The following SMIM13 variants were observed in gnomAD, a reference collection of about 807,000 sequenced individuals.
SMIM13 encodes small integral membrane protein 13.
SMIM13 carries 3 observed loss-of-function variants against 5.9 expected under a neutral mutation model. The ratio of observed to expected loss-of-function variants is 0.51; its 90% CI spans 0.23 to 1.31. SMIM13 has a LOEUF of 1.31. SMIM13 is among the 40% of genes most tolerant of loss of function. SMIM13 has a pLI of 0.18. For synonymous variants in SMIM13, 55 were observed against 46.0 expected (o/e 1.19, Z -0.79); for missense variants, 85 against 109.9 (o/e 0.77, Z 1.01).
At chr6:11,131,600 A>G (rs972380248) in intron 1 of SMIM13, among the ~76,000 whole-genome samples, 5 of 152,204 alleles carry the variant, frequency 3.3e-5, no homozygotes, top group Admixed American at 3.3e-4. Flanking sequence ...ATGGGATGGA[A>G]TTGAGAGTCC....
intron 1 of SMIM13, chr6:11,104,055 C>A: frequency 1.3e-6 from 2 of 1,551,728 alleles, no homozygotes; most frequent in Non-Finnish European, 1.7e-6. Context: ...CATGTCTAGT[C>A]CTCGACGATT....
In SMIM13 at chr6:11,137,899, C is replaced by T. The variant is rs1758535913; in HGVS notation, c.*3297C>T. The T allele has an allele frequency of 6.6e-6, 1 of 151,962 alleles. No individual in the cohort carries two copies. The highest frequency in any genetic ancestry group is 1.5e-5 in the Non-Finnish European group (1 of 67,988). 9.4% of individuals were successfully genotyped at this position (151,962 alleles called of 1,614,324 possible). A position where few individuals can be genotyped will look rare whatever the true frequency, so the allele number is the denominator to read the frequency against. On this transcript the variant is annotated 3_prime_UTR_variant, in exon 2 of 2. Transcript: ENST00000416247. ...ACAGCCACTTCACAGACATGCAGAC[C>T]CATTTCTTTAGAGATATTAGGTTTA...
In SMIM13 at chr6:11,134,522, A is replaced by G; in HGVS notation, c.196A>G (p.Thr66Ala). The change falls in exon 2 of 2, where the codon ACT (threonine) becomes GCT (alanine). Residue 66 changes from threonine to alanine, a missense_variant. Physicochemically the swap from Thr to Ala is moderately conservative, Grantham distance 58. Transcript: ENST00000416247. Reference protein sequence around the residue: ...EPSGSETEEDTSSSPHRIRSA... With the variant: ...EPSGSETEEDASSSPHRIRSA... The stretch of plus-strand genomic sequence containing the variant: ...TTCAGGGTCTGAAACTGAAGAAGAC[A>G]CTTCCTCCTCTCCACACAGAATCAG... 1 of 1,551,148 alleles carries G rather than the reference A, an allele frequency of 6.4e-7. No homozygotes were observed. The highest frequency in any genetic ancestry group is 8.7e-7 in the Non-Finnish European group (1 of 1,146,618).
intron 1 of SMIM13, among the ~76,000 whole-genome samples, chr6:11,096,883 G>T (rs749548075): frequency 6.6e-6 from 1 of 152,100 alleles, no homozygotes; most frequent in East Asian, 1.9e-4. Flanking sequence ...TAGAGATGGG[G>T]TTTCTCCATG....
chr6:11,108,421 G>A (rs960152127), intron 1 of SMIM13, among the ~76,000 whole-genome samples: 2 of 152,218 alleles, frequency 1.3e-5, no homozygotes, highest in African/African-American at 4.8e-5. Flanking sequence ...CATCCAGTTG[G>A]GATGTCCTGA....
intron 1 of SMIM13, among the ~76,000 whole-genome samples, chr6:11,122,557 A>G (rs184998890): frequency 6.6e-6 from 1 of 150,714 alleles, no homozygotes; most frequent in African/African-American, 2.5e-5. Context: ...TGGACCAAAG[A>G]TCAGGCCTGT....
intron 1 of SMIM13, among the ~76,000 whole-genome samples, chr6:11,132,710 T>C (rs1758466724): frequency 1.3e-5 from 2 of 152,158 alleles, no homozygotes; most frequent in African/African-American, 2.4e-5. Context: ...AAATGACATG[T>C]TCAGAATAGG....
chr6:11,107,059 A>G (rs932673407), intron 1 of SMIM13, among the ~76,000 whole-genome samples: 2 of 152,180 alleles, frequency 1.3e-5, no homozygotes. Flanking sequence ...TGTTGAAGGG[A>G]CATTGTACCA....
At chr6:11,104,415 T>A in intron 1 of SMIM13, 1 of 1,551,666 alleles carries the variant, frequency 6.4e-7, no homozygotes, top group Non-Finnish European at 8.7e-7. Context: ...GCCACAAATA[T>A]AAAAGGCTCC....
intron 1 of SMIM13, among the ~76,000 whole-genome samples, chr6:11,106,873 G>A (rs546410371): frequency 6.6e-6 from 1 of 152,320 alleles, no homozygotes; most frequent in East Asian, 1.9e-4. Context: ...AGTATCTGGA[G>A]CTGTTAGGTA....
chr6:11,112,311 A>T (rs1758179138), intron 1 of SMIM13, among the ~76,000 whole-genome samples: 1 of 151,000 alleles, frequency 6.6e-6, no homozygotes, highest in Non-Finnish European at 1.5e-5. Flanking sequence ...GAGTGCAGTG[A>T]TGCAATCTTG....
At chr6:11,129,075 G>C (rs1758416380) in intron 1 of SMIM13, among the ~76,000 whole-genome samples, 1 of 124,026 alleles carries the variant, frequency 8.1e-6, no homozygotes, top group Non-Finnish European at 1.7e-5. Flanking sequence ...TTGCTACCGG[G>C]AGCGGGGGGG....
intron 1 of SMIM13, among the ~76,000 whole-genome samples, chr6:11,123,118 G>A (rs1392196389): frequency 6.6e-6 from 1 of 152,072 alleles, no homozygotes; most frequent in Non-Finnish European, 1.5e-5. Context: ...CTGCTCCTGG[G>A]GCTGACACTT....
chr6:11,108,083 C>A (rs1758113307), intron 1 of SMIM13, among the ~76,000 whole-genome samples: 2 of 152,118 alleles, frequency 1.3e-5, no homozygotes, highest in South Asian at 4.1e-4. Context: ...GTTAACTGAG[C>A]CCCTAGTCTG....
rs182205515 is a variant in SMIM13, at chr6:11,138,227, C to A, written c.*3625C>A. On this transcript the variant is annotated 3_prime_UTR_variant, in exon 2 of 2. Coordinates refer to ENST00000416247, the MANE Select transcript of SMIM13 (RefSeq NM_001135575.2). ...GCAGTCCTCAGAGGTTATGGACTCT[C>A]AAGCGACTAATGGAATAGTGTTCTG... 1.3e-5 allele frequency: 2 copies of A among 152,188 alleles called. No homozygotes were observed. 9.4% of individuals were successfully genotyped at this position (152,188 alleles called of 1,614,324 possible).
chr6:11,114,229 C>G (rs1388176612), intron 1 of SMIM13, among the ~76,000 whole-genome samples: 1 of 152,068 alleles, frequency 6.6e-6, no homozygotes, highest in Non-Finnish European at 1.5e-5. Context: ...ATCTACCTGC[C>G]TCGCCCTCCC....
At chr6:11,129,086 G>GA (rs556248568) in intron 1 of SMIM13, among the ~76,000 whole-genome samples, 232 of 151,446 alleles carry the variant, frequency 1.5e-3, no homozygotes, top group African/African-American at 5.2e-3. Flanking sequence ...AGCGGGGGGG[G>GA]GATGATCACT....
intron 1 of SMIM13, among the ~76,000 whole-genome samples, chr6:11,126,770 G>T (rs1439093767): frequency 6.6e-6 from 1 of 152,056 alleles, no homozygotes; most frequent in Non-Finnish European, 1.5e-5. Flanking sequence ...TCCTTCTTGG[G>T]AATGCTTTCC....
intron 1 of SMIM13, among the ~76,000 whole-genome samples, chr6:11,110,652 A>ACAAT (rs1212996377): frequency 6.6e-6 from 1 of 152,228 alleles, no homozygotes; most frequent in Non-Finnish European, 1.5e-5. Context: ...ACGAGGTAGA[A>ACAAT]CAATCCCTCT....
Sources: allele counts gnomAD v4.1 joint callset (sites outside exome capture counted in the v4.1 genomes callset), GRCh38; gene constraint gnomAD v4.1.1; transcripts MANE v1.5; gene names NCBI Gene and HGNC (gene_info 2026-07-23, HGNC 2026-07-21).